LDLRAD4: variants seen among roughly 807,000 people sequenced by gnomAD.
LDLRAD4 encodes the protein low-density lipoprotein receptor class A domain-containing protein 4.
Under a neutral mutation model 17.0 loss-of-function variants are expected in LDLRAD4, and 5 were observed. The observed-to-expected ratio is 0.29, with a 90% CI of 0.15 to 0.62. LDLRAD4 has a LOEUF of 0.62. LDLRAD4 is among the 20% of genes least tolerant of loss of function. The pLI, the probability that LDLRAD4 is intolerant of heterozygous loss-of-function variation, is 0.84. For missense variants in LDLRAD4, 340 were observed against 424.7 expected (o/e 0.80, Z 1.75); for synonymous variants, 168 against 171.8 (o/e 0.98, Z 0.17).
intron 1 of LDLRAD4, among the ~76,000 whole-genome samples, chr18:13,327,763 A>T (rs2081611856): frequency 6.6e-6 from 1 of 152,198 alleles, no homozygotes; most frequent in South Asian, 2.1e-4. Context: ...AGAGACCCAC[A>T]GAGCAGGCTC....
At chr18:13,369,772 TTG>T (rs1446514469) in intron 1 of LDLRAD4, among the ~76,000 whole-genome samples, 1 of 152,218 alleles carries the variant, frequency 6.6e-6, no homozygotes, top group Non-Finnish European at 1.5e-5. Flanking sequence ...TATCCTTTCC[TTG>T]GTGTCTTTTC....
intron 1 of LDLRAD4, among the ~76,000 whole-genome samples, chr18:13,270,362 A>T (rs1029719046): frequency 6.6e-6 from 1 of 151,982 alleles, no homozygotes; most frequent in Non-Finnish European, 1.5e-5. Context: ...CTCTTAAAAA[A>T]AAAAAAAGAA....
At chr18:13,287,741 A>C (rs140376605) in intron 1 of LDLRAD4, among the ~76,000 whole-genome samples, 1 of 152,230 alleles carries the variant, frequency 6.6e-6, no homozygotes, top group Non-Finnish European at 1.5e-5. Context: ...ATTTAGTCCC[A>C]ATTGAAACCT....
In LDLRAD4 at chr18:13,265,840, C is replaced by G. The variant is rs2044185064; in HGVS notation, c.-466-12265C>G. Among the ~76,000 whole-genome samples, 6 of 152,204 alleles carry G rather than the reference C, an allele frequency of 3.9e-5. No homozygotes were observed. The South Asian group carries it at 1.2e-3, about 32-fold the overall frequency. ...ACTCTGCTGCACACAGCTCAGGCCT[C>G]CAGGGGTCTTCCTCAGCCCCCTCCT... On this transcript the variant is annotated intron_variant, in intron 1 of 5. Coordinates refer to the LDLRAD4 transcript ENST00000399848.
upstream of LDLRAD4, among the ~76,000 whole-genome samples, chr18:13,276,430 C>T (rs181247525): frequency 6.6e-6 from 1 of 152,212 alleles, no homozygotes; most frequent in Non-Finnish European, 1.5e-5. Context: ...TCAGGCATGG[C>T]TTAGTTGGTT....
chr18:13,584,811 TC>T (rs1474069275), intron 3 of LDLRAD4, among the ~76,000 whole-genome samples: 2 of 152,186 alleles, frequency 1.3e-5, no homozygotes, highest in Non-Finnish European at 2.9e-5. Flanking sequence ...ACCATAATTG[TC>T]CAAATCCTTC....
chr18:13,596,346 A>C (rs1295269265), intron 3 of LDLRAD4, among the ~76,000 whole-genome samples: 2 of 151,232 alleles, frequency 1.3e-5, no homozygotes, highest in Admixed American at 1.3e-4. Context: ...TGTTCATTTC[A>C]CTCTTATGTA....
intron 1 of LDLRAD4, among the ~76,000 whole-genome samples, chr18:13,358,082 A>G (rs971812205): frequency 2.0e-5 from 3 of 151,764 alleles, no homozygotes; most frequent in Non-Finnish European, 2.9e-5. Flanking sequence ...CCCAATCCAC[A>G]CTCATCTTGT....
intron 1 of LDLRAD4, among the ~76,000 whole-genome samples, chr18:13,267,091 C>T (rs1225190413): frequency 2.0e-5 from 3 of 152,190 alleles, no homozygotes; most frequent in South Asian, 2.1e-4. Context: ...ATTATGAATG[C>T]GACTGCTAAC....
At chr18:13,584,959 T>C (rs1433057387) in intron 3 of LDLRAD4, among the ~76,000 whole-genome samples, 1 of 152,232 alleles carries the variant, frequency 6.6e-6, no homozygotes, top group East Asian at 1.9e-4. Flanking sequence ...TATCCTTCGG[T>C]TCCACTGCCT....
chr18:13,443,553 T>C (rs2091174209), intron 3 of LDLRAD4, among the ~76,000 whole-genome samples: 1 of 152,224 alleles, frequency 6.6e-6, no homozygotes, highest in Non-Finnish European at 1.5e-5. Flanking sequence ...TATAAACATG[T>C]GTTTCGGTTT....
At chr18:13,363,146 C>T (rs891599582) in intron 1 of LDLRAD4, among the ~76,000 whole-genome samples, 11 of 151,734 alleles carry the variant, frequency 7.2e-5, no homozygotes, top group Admixed American at 1.3e-4. Flanking sequence ...CTGGCTACCA[C>T]GGTGAAACCC....
rs545512743 is a variant in LDLRAD4 at position 13,619,858 on chromosome 18, C to G, written c.182-1259C>G. Among the ~76,000 whole-genome samples the G allele has an allele frequency of 3.3e-5, 5 of 152,228 alleles. No homozygotes were observed. The South Asian group carries it at 6.2e-4, about 19-fold the overall frequency. On this transcript the variant is annotated intron_variant, in intron 3 of 5. Transcript: ENST00000359446. ...GGGGCCCTTGGCAGGTCCACCTGCT[C>G]TCTGCACAGCTCAGCCACCAGCCTC... is the stretch of plus-strand genomic sequence containing the variant.
chr18:13,480,757 G>A (rs1449204051), intron 3 of LDLRAD4, among the ~76,000 whole-genome samples: 6 of 152,212 alleles, frequency 3.9e-5, no homozygotes, highest in African/African-American at 1.4e-4. Flanking sequence ...TCTGACTGGA[G>A]CTTCATTAAG....
chr18:13,400,990 A>C (rs1050977242), intron 2 of LDLRAD4, among the ~76,000 whole-genome samples: 1 of 152,158 alleles, frequency 6.6e-6, no homozygotes, highest in Admixed American at 6.5e-5. Flanking sequence ...CATTTCAGAC[A>C]GCATTCAGGT....
intron 3 of LDLRAD4, among the ~76,000 whole-genome samples, chr18:13,590,700 C>T (rs1410071944): frequency 1.3e-5 from 2 of 152,178 alleles, no homozygotes; most frequent in Non-Finnish European, 2.9e-5. Flanking sequence ...GAGCTCCCTG[C>T]CCTTGACTGA....
upstream of LDLRAD4, among the ~76,000 whole-genome samples, chr18:13,277,425 G>A (rs372060199): frequency 6.6e-6 from 1 of 152,220 alleles, no homozygotes; most frequent in African/African-American, 2.4e-5. Context: ...GGGACGGTGC[G>A]ATGCCCACAG....
chr18:13,249,615 A>C (rs370883057), intron 1 of LDLRAD4, among the ~76,000 whole-genome samples: 4 of 150,274 alleles, frequency 2.7e-5, no homozygotes, highest in African/African-American at 9.8e-5. Flanking sequence ...TTTGCTGTTG[A>C]AATGTTTGAG....
At chr18:13,421,462 CGTTTCT>C (rs1379998538) in intron 2 of LDLRAD4, among the ~76,000 whole-genome samples, 2 of 152,144 alleles carry the variant, frequency 1.3e-5, no homozygotes, top group Non-Finnish European at 2.9e-5. Flanking sequence ...TGCTCATTTC[CGTTTCT>C]GAGTCCCCAC....
Sources: gnomAD v4.1 joint callset for allele counts (sites outside exome capture counted in the v4.1 genomes callset) on GRCh38, gnomAD v4.1.1 for gene constraint, MANE v1.5 for transcripts, NCBI Gene and HGNC (gene_info 2026-07-23, HGNC 2026-07-21) for gene names.